PRELID2: variants seen among roughly 807,000 people sequenced by gnomAD.
The protein encoded by PRELID2 is PRELI domain-containing protein 2.
In PRELID2, 25 loss-of-function variants were observed where a neutral mutation model predicts 28.4. The observed-to-expected ratio is 0.88, with a 90% CI of 0.64 to 1.23. The LOEUF (loss-of-function observed/expected upper bound fraction) is 1.23. PRELID2 is among the 50% of genes most tolerant of loss of function. PRELID2 has a pLI of 0.00. For missense variants in PRELID2, 201 were observed against 214.4 expected, an observed-to-expected ratio of 0.94 and a Z score of 0.39; for synonymous variants, 76 against 71.6, an observed-to-expected ratio of 1.06 and a Z score of -0.31.
intron 1 of PRELID2, among the ~76,000 whole-genome samples, chr5:145,630,787 G>C (rs933334562): frequency 2.0e-5 from 3 of 152,248 alleles, no homozygotes; most frequent in African/African-American, 7.2e-5. Context: ...AGAAACTACT[G>C]CTCACCTTTT....
At chr5:145,487,231 T>TA (rs971238726) in intron 1 of PRELID2, among the ~76,000 whole-genome samples, 1 of 140,418 alleles carries the variant, frequency 7.1e-6, no homozygotes, top group Admixed American at 7.5e-5. Flanking sequence ...CCCTAAAACT[T>TA]AAAGTATAAT....
chr5:145,377,471 G>C, the PRELID2 span, among the ~76,000 whole-genome samples: 1 of 152,062 alleles, frequency 6.6e-6, no homozygotes, highest in Admixed American at 6.6e-5. Context: ...GGGAATTAAA[G>C]TCTCTCACTA....
At chr5:145,301,214 G>T in the PRELID2 span, among the ~76,000 whole-genome samples, 1 of 151,964 alleles carries the variant, frequency 6.6e-6, no homozygotes, top group Non-Finnish European at 1.5e-5. Flanking sequence ...TAACATTGTG[G>T]TTTTAATTTT....
chr5:145,697,033 T>TTATATATATA (rs36117637), intron 1 of PRELID2, among the ~76,000 whole-genome samples: 7 of 50,654 alleles, frequency 1.4e-4, no homozygotes, highest in Non-Finnish European at 2.5e-4. Flanking sequence ...GAGAGGAAAA[T>TTATATATATA]TATATATATA....
chr5:145,581,620 C>T (rs755323581), intron 1 of PRELID2, among the ~76,000 whole-genome samples: 1 of 151,996 alleles, frequency 6.6e-6, no homozygotes, highest in Non-Finnish European at 1.5e-5. Flanking sequence ...TCCATGTGAA[C>T]ATTTAGGGTG....
chr5:145,596,804 G>T (rs565748799), intron 1 of PRELID2, among the ~76,000 whole-genome samples: 1 of 152,214 alleles, frequency 6.6e-6, no homozygotes, highest in Admixed American at 6.5e-5. Flanking sequence ...TAAGACCCTG[G>T]ACAATGGATG....
At chr5:145,359,183 C>T in the PRELID2 span, among the ~76,000 whole-genome samples, 1 of 152,180 alleles carries the variant, frequency 6.6e-6, no homozygotes, top group Non-Finnish European at 1.5e-5. Context: ...CTGTGCTTGA[C>T]AAATGGGCTT....
At chr5:145,772,905 G>GT (rs1281131734) in intron 5 of PRELID2, among the ~76,000 whole-genome samples, 1 of 152,100 alleles carries the variant, frequency 6.6e-6, no homozygotes, top group Non-Finnish European at 1.5e-5. Flanking sequence ...TAAAGACAAT[G>GT]TTTTTTCAAT....
intron 1 of PRELID2, among the ~76,000 whole-genome samples, chr5:145,542,923 C>T (rs1227068031): frequency 6.6e-6 from 1 of 151,992 alleles, no homozygotes. Flanking sequence ...AGATCTCTGG[C>T]CTGCAGCCCT....
chr5:145,428,823 C>G, the PRELID2 span, among the ~76,000 whole-genome samples: 1 of 152,134 alleles, frequency 6.6e-6, no homozygotes, highest in African/African-American at 2.4e-5. Context: ...AGGCATGCAG[C>G]TATCAGGAGG....
chr5:145,478,388 G>A (rs1249939559), intron 1 of PRELID2, among the ~76,000 whole-genome samples: 1 of 151,816 alleles, frequency 6.6e-6, no homozygotes, highest in Admixed American at 6.6e-5. Context: ...TCTACTAAAA[G>A]TACAAAAGAT....
At chr5:145,357,248 G>A in the PRELID2 span, among the ~76,000 whole-genome samples, 1 of 152,156 alleles carries the variant, frequency 6.6e-6, no homozygotes, top group Non-Finnish European at 1.5e-5. Flanking sequence ...ATCTCACAGA[G>A]GTTCTCTGCA....
intron 1 of PRELID2, among the ~76,000 whole-genome samples, chr5:145,613,010 T>C (rs960027306): frequency 2.0e-5 from 3 of 152,190 alleles, no homozygotes; most frequent in African/African-American, 2.4e-5. Context: ...GGTATAAAAA[T>C]AGAATTGGTA....
At chr5:145,235,583 TG>T in the PRELID2 span, among the ~76,000 whole-genome samples, 200 of 152,270 alleles carry the variant, frequency 1.3e-3, 4 homozygotes, top group East Asian at 0.031. Context: ...TGTGCTCTTT[TG>T]CTGAAACATT....
At chr5:145,434,736 G>A in the PRELID2 span, among the ~76,000 whole-genome samples, 1 of 152,196 alleles carries the variant, frequency 6.6e-6, no homozygotes, top group Non-Finnish European at 1.5e-5. Context: ...AGATGCAGAA[G>A]TGGGGGGCAC....
the PRELID2 span, among the ~76,000 whole-genome samples, chr5:145,425,102 A>T: frequency 6.6e-6 from 1 of 152,190 alleles, no homozygotes; most frequent in Non-Finnish European, 1.5e-5. Context: ...GGCAAAAGAC[A>T]TGAACAGACA....
At chr5:145,339,098 T>C in the PRELID2 span, among the ~76,000 whole-genome samples, 9 of 152,180 alleles carry the variant, frequency 5.9e-5, no homozygotes, top group Admixed American at 5.9e-4. Flanking sequence ...CATTTTAAAG[T>C]GAACTACAGA....
the PRELID2 span, among the ~76,000 whole-genome samples, chr5:145,346,395 G>C: frequency 8.7e-4 from 132 of 152,206 alleles, no homozygotes; most frequent in African/African-American, 3.1e-3. Context: ...ACAGTTTGAG[G>C]AACAGGTTCA....
the PRELID2 span, among the ~76,000 whole-genome samples, chr5:145,300,118 A>G: frequency 6.6e-6 from 1 of 152,122 alleles, no homozygotes; most frequent in East Asian, 1.9e-4. Context: ...CTGTATGTAC[A>G]TTTTTCTTCA....
Sources: allele counts gnomAD v4.1 joint callset (sites outside exome capture counted in the v4.1 genomes callset), GRCh38; gene constraint gnomAD v4.1.1; transcripts MANE v1.5; gene names NCBI Gene and HGNC (gene_info 2026-07-23, HGNC 2026-07-21).